The following PTPRH variants were observed in gnomAD, a reference collection of about 807,000 sequenced individuals.
The protein encoded by PTPRH is protein tyrosine phosphatase receptor type H, also known as receptor-type tyrosine-protein phosphatase H.
PTPRH carries 113 observed loss-of-function variants against 130.2 expected under a neutral mutation model. That is an observed-to-expected ratio of 0.87 (90% confidence interval 0.75 to 1.01). PTPRH has a LOEUF of 1.01. Ranked by LOEUF, PTPRH falls within the 50% of genes least tolerant of loss-of-function variation. The pLI, the probability that PTPRH is intolerant of heterozygous loss-of-function variation, is 0.00. For missense variants in PTPRH, 1,430 were observed against 1,425.0 expected, an observed-to-expected ratio of 1.00 and a Z score of -0.06; for synonymous variants, 556 against 577.9, an observed-to-expected ratio of 0.96 and a Z score of 0.54.
intron 12 of PTPRH, among the ~76,000 whole-genome samples, chr19:55,188,386 G>A (rs3803902): frequency 0.29 from 44,712 of 151,934 alleles, 7,123 homozygotes; most frequent in Admixed American, 0.41. Flanking sequence ...GGTGTTGCAC[G>A]CCTGTAGTCC....
Position 55,207,356 on chromosome 19 carries a change from G to A in PTPRH, c.52-157C>T. ...AGGCTGGGCTGTCACGACCTCGACCGTCTTTCCTGGGTCGAGGAGAGAAGG... is the reference window on the plus strand; with the variant it reads ...AGGCTGGGCTGTCACGACCTCGACCATCTTTCCTGGGTCGAGGAGAGAAGG... On this transcript the variant is annotated intron_variant, in intron 1 of 19. Transcript: ENST00000376350. 15 of 736,678 alleles carry A rather than the reference G, an allele frequency of 2.0e-5. No individual in the cohort carries two copies. In the South Asian group the frequency reaches 2.1e-4, roughly 10 times the overall value. 45.6% of individuals were successfully genotyped at this position (736,678 alleles called of 1,614,324 possible).
chr19:55,199,688 GAGAA>G (rs1424399045), intron 7 of PTPRH, among the ~76,000 whole-genome samples: 1 of 147,342 alleles, frequency 6.8e-6, no homozygotes, highest in African/African-American at 2.5e-5. Flanking sequence ...GAAAGAAAGA[GAGAA>G]AGGAAGGGAG....
Position 55,198,808 on chromosome 19 carries a change from A to G in PTPRH, c.1525T>C (p.Trp509Arg), listed in dbSNP as rs1260557010. The change falls in exon 8 of 20, where the codon TGG becomes CGG. Residue 509 changes from tryptophan (W) to arginine (R), a missense_variant. By Grantham distance (101) the Trp-to-Arg change is moderately radical (BLOSUM62 -3). Transcript: ENST00000376350. The stretch of plus-strand genomic sequence containing the variant: ...ATGCCTTCCCTGACCCATGAGACCC[A>G]GTAGCTGTAGGAAGACTGGCCTGGG... ...QGPGQSSYSY[W>R]VSWVREGMTD... is the part of the protein sequence containing the mutation. The G allele has an allele frequency of 6.2e-7, 1 of 1,611,580 alleles. No individual in the cohort carries two copies. Among genetic ancestry groups the G allele is most frequent in the Non-Finnish European group, 8.5e-7 (1 of 1,178,570 alleles).
chr19:55,204,244 C>T (rs1037393303), intron 4 of PTPRH, among the ~76,000 whole-genome samples, 196 bp from the exon 5 acceptor site: 2 of 152,098 alleles, frequency 1.3e-5, no homozygotes, highest in African/African-American at 4.8e-5. Context: ...CTCAGCCTCC[C>T]GAGTAGGTGG....
chr19:55,200,293 C>T lies in PTPRH; in HGVS notation c.1363G>A (p.Val455Ile), dbSNP rs1042112666. The change falls in exon 7 of 20, where the codon GTA (valine) becomes ATA (isoleucine). Residue 455 changes from valine to isoleucine, a missense_variant. Val to Ile is a conservative substitution (Grantham distance 29). Transcript: ENST00000376350. ...CGTGCTCCATTTTTTTCTGCCCATA[C>T]AGAGAATGTGTACAAGGTTCCGGGC... is the stretch of plus-strand genomic sequence containing the variant. The part of the protein sequence containing the change: ...LEPGTLYTFS[V>I]WAEKNGARGS... The T allele has an allele frequency of 1.2e-6, 2 of 1,614,192 alleles. No individual in the cohort carries two copies. Among genetic ancestry groups the T allele is most frequent in the East Asian group, 2.2e-5 (1 of 44,890 alleles).
At chr19:55,189,391 C>T (rs973025400) in intron 12 of PTPRH, among the ~76,000 whole-genome samples, 3 of 152,324 alleles carry the variant, frequency 2.0e-5, no homozygotes, top group Middle Eastern at 3.4e-3. Context: ...TCTCAGCTCA[C>T]AATAAATCCA....
chr19:55,181,675 T>C lies in PTPRH; in HGVS notation c.*79A>G. ...CCAGGAGTCTGGGAGCCCAGCCCTC[T>C]GCTCTTCCAGGAATCTGGGCTCAAG... is the stretch of plus-strand genomic sequence containing the variant. On this transcript the variant is annotated 3_prime_UTR_variant, in exon 20 of 20. Coordinates refer to ENST00000376350, the MANE Select transcript of PTPRH (RefSeq NM_002842.5). 6.3e-7 allele frequency: 1 copy of C among 1,578,864 alleles called. No individual in the cohort carries two copies. Among genetic ancestry groups the C allele is most frequent in the Non-Finnish European group, 8.6e-7 (1 of 1,156,598 alleles).
At chr19:55,201,200 G>C (rs2086853156) in intron 6 of PTPRH, among the ~76,000 whole-genome samples, 1 of 151,926 alleles carries the variant, frequency 6.6e-6, no homozygotes, top group Admixed American at 6.6e-5. Flanking sequence ...GGACCACACA[G>C]CAAGACCTCA....
intron 7 of PTPRH, among the ~76,000 whole-genome samples, chr19:55,199,900 A>C (rs1303473997): frequency 6.6e-6 from 1 of 151,314 alleles, no homozygotes; most frequent in Non-Finnish European, 1.5e-5. Flanking sequence ...GAAAGAGAGA[A>C]AGGAAGGAAA....
intron 9 of PTPRH, 54 bp from the exon 10 acceptor site, chr19:55,196,842 C>A: frequency 6.4e-7 from 1 of 1,572,210 alleles, no homozygotes; most frequent in East Asian, 2.3e-5. Flanking sequence ...CTTTCCACCC[C>A]CTCCACCCCT....
chr19:55,183,727 A>C (rs954043840), intron 18 of PTPRH, among the ~76,000 whole-genome samples: 1 of 146,140 alleles, frequency 6.8e-6, no homozygotes, highest in Non-Finnish European at 1.5e-5. Context: ...CTGTCTCCAC[A>C]AAAAAAAATA....
chr19:55,207,093 C>A (rs532630298), intron 2 of PTPRH, 73 bp downstream of exon 2: 2 of 1,592,852 alleles, frequency 1.3e-6, no homozygotes, highest in South Asian at 1.1e-5. Context: ...CCCACGGGGA[C>A]CCCCCAGAGG....
rs768134790 is a variant in PTPRH at position 55,206,843 on chromosome 19, C to G, written c.198G>C (p.Gln66His). The G allele has an allele frequency of 6.2e-7, 1 of 1,614,220 alleles. No homozygotes were observed. Among genetic ancestry groups the G allele is most frequent in the Non-Finnish European group, 8.5e-7 (1 of 1,180,026 alleles). Residue 66 changes from glutamine (Q) to histidine (H), a missense_variant, in exon 3 of 20, where the codon CAG becomes CAC. Physicochemically the swap from Gln to His is conservative, Grantham distance 24. Coordinates refer to ENST00000376350, the MANE Select transcript of PTPRH (RefSeq NM_002842.5). ...CTGTTGTGCCGCCGTCTCCAGTACA[C>G]TGAACCCAGTAGTTGGAGTTCTGTG... is the stretch of plus-strand genomic sequence containing the variant. ...LDSQNSNYWVQCTGDGGTTET... is the reference protein window; with the variant it reads ...LDSQNSNYWVHCTGDGGTTET...
intron 18 of PTPRH, among the ~76,000 whole-genome samples, chr19:55,183,728 A>C (rs964010678): frequency 6.6e-5 from 10 of 151,912 alleles, no homozygotes; most frequent in African/African-American, 1.2e-4. Flanking sequence ...TGTCTCCACA[A>C]AAAAAAATAG....
Position 55,197,189 on chromosome 19 carries a change from A to G in PTPRH, c.1918T>C (p.Leu640=), listed in dbSNP as rs2288521. 1,065,004 of 1,614,020 alleles carry G rather than the reference A, an allele frequency of 0.66. 354,054 individuals are homozygous for G. The highest frequency in any genetic ancestry group is 0.84 in the African/African-American group (62,962 of 75,038). The part of the protein sequence containing the change: ...YKVEALEPGT[L]YNFTVWAERN... ...TCTGCCCACACGGTGAAATTGTACAACGTCCCGGGTTCCAGGGCCTCCACT... is the reference window on the plus strand; with the variant it reads ...TCTGCCCACACGGTGAAATTGTACAGCGTCCCGGGTTCCAGGGCCTCCACT... Residue 640 remains leucine, a synonymous_variant, in exon 9 of 20, where the codon TTG becomes CTG. Coordinates refer to ENST00000376350, the MANE Select transcript of PTPRH (RefSeq NM_002842.5).
chr19:55,181,630 G>A lies in PTPRH; in HGVS notation c.*124C>T. 2.2e-6 allele frequency: 3 copies of A among 1,357,314 alleles called. No homozygotes were observed. Among genetic ancestry groups the A allele is most frequent in the Admixed American group, 1.9e-5 (1 of 51,708 alleles). 84.1% of individuals were successfully genotyped at this position (1,357,314 alleles called of 1,614,324 possible). A position where few individuals can be genotyped will look rare whatever the true frequency, so the allele number is the denominator to read the frequency against. On this transcript the variant is annotated 3_prime_UTR_variant, in exon 20 of 20. Transcript: ENST00000376350. The stretch of plus-strand genomic sequence containing the variant: ...GGGGAAACCAGAGTTTGGGATACCA[G>A]CCCCCTCCTCCCACAGCACCCAGGA...
intron 3 of PTPRH, among the ~76,000 whole-genome samples, chr19:55,206,289 T>G (rs1190879017): frequency 6.6e-6 from 1 of 151,386 alleles, no homozygotes. Context: ...AGTAATTTAG[T>G]TTGTTTTTCT....
At position 55,204,022 on chromosome 19, in the gene PTPRH, C is replaced by T. The variant is rs2086962130; in HGVS notation, c.646G>A (p.Val216Met). 1 of 1,613,800 alleles carries T rather than the reference C, an allele frequency of 6.2e-7. No homozygotes were observed. The highest frequency in any genetic ancestry group is 1.1e-5 in the South Asian group (1 of 91,064). The change falls in exon 5 of 20, where the codon GTG becomes ATG. Residue 216 changes from valine (V) to methionine (M), a missense_variant. Val to Met is a conservative substitution (Grantham distance 21). Coordinates refer to ENST00000376350, the MANE Select transcript of PTPRH (RefSeq NM_002842.5). ...ATGGAGCTGGTGGTCTGAGCCTCCA[C>T]TCTCAGGTTCCTCACTGGGTTGTGA... is the stretch of plus-strand genomic sequence containing the variant. ...TAHNPVRNLR[V>M]EAQTTSSISL...
chr19:55,192,263 G>A (rs1600017350), intron 10 of PTPRH, among the ~76,000 whole-genome samples: 3 of 151,970 alleles, frequency 2.0e-5, no homozygotes, highest in East Asian at 2.0e-4. Flanking sequence ...TTAGCAGGGC[G>A]TGGTGGTGGG....
Sources: gnomAD v4.1 joint callset for allele counts (sites outside exome capture counted in the v4.1 genomes callset) on GRCh38, gnomAD v4.1.1 for gene constraint, MANE v1.5 for transcripts, NCBI Gene and HGNC (gene_info 2026-07-23, HGNC 2026-07-21) for gene names.